Variants in SHB observed in about 807,000 individuals in gnomAD.
SHB encodes SH2 domain containing adaptor protein B, also known as SH2 domain-containing adapter protein B.
SHB carries 20 observed loss-of-function variants against 52.3 expected under a neutral mutation model. That is an observed-to-expected ratio of 0.38 (90% CI 0.27 to 0.56). The LOEUF is 0.56. Among genes scored for constraint, SHB ranks in the 20% least tolerant of loss-of-function variants. The pLI, the probability that SHB is intolerant of heterozygous loss-of-function variation, is 0.71. For missense variants in SHB, 825 were observed against 723.3 expected, an observed-to-expected ratio of 1.14 and a Z score of -1.61; for synonymous variants, 397 against 316.5, an observed-to-expected ratio of 1.25 and a Z score of -2.70.
Position 37,948,724 on chromosome 9 carries a change from G to C in SHB, c.1257C>G (p.Asp419Glu). The change falls in exon 5 of 6, where the codon GAC becomes GAG. Residue 419 changes from aspartate to glutamate, a missense_variant. Transcript: ENST00000377707. ...TGCAGAGTCGCAGCAGGTTCTCGGC[G>C]TCTCCTCTGCTGATGGCTCCGTGAT... Reference protein sequence around the residue: ...IWYHGAISRGDAENLLRLCKE... With the variant: ...IWYHGAISRGEAENLLRLCKE... The C allele has an allele frequency of 6.2e-7, 1 of 1,613,846 alleles. No homozygotes were observed. The highest frequency in any genetic ancestry group is 8.5e-7 in the Non-Finnish European group (1 of 1,179,998).
chr9:38,025,224 G>C lies in SHB; in HGVS notation c.718-9093C>G, dbSNP rs184351688. ...GTGGACAGCTCTCTGTGGGAGGTGG[G>C]CTCCGGGCCAGGCTGGGTCCCCATG... is the stretch of plus-strand genomic sequence containing the variant. On this transcript the variant is annotated intron_variant, in intron 1 of 5. Transcript: ENST00000377707. Among the ~76,000 whole-genome samples, 542 of 152,268 alleles carry C rather than the reference G, an allele frequency of 3.6e-3. 1 individual carries two copies. Among genetic ancestry groups the C allele is most frequent in the Middle Eastern group, 6.8e-3 (2 of 294 alleles).
intron 5 of SHB, among the ~76,000 whole-genome samples, chr9:37,942,741 T>A (rs947997601): frequency 1.9e-4 from 29 of 152,350 alleles, no homozygotes; most frequent in Non-Finnish European, 3.7e-4. Flanking sequence ...GATATCTGAC[T>A]GCAGAGCCTG....
Position 38,068,367 on chromosome 9 carries a change from C to T in SHB, c.279G>A (p.Glu93=), listed in dbSNP as rs753613684. The T allele has an allele frequency of 7.0e-6, 11 of 1,571,038 alleles. No homozygotes were observed. In the East Asian group the frequency reaches 1.2e-4, roughly 18 times the overall value. Residue 93 remains glutamate (E), a synonymous_variant, in exon 1 of 6, where the codon GAG becomes GAA. Coordinates refer to ENST00000377707, the MANE Select transcript of SHB (RefSeq NM_003028.3). ...AYRAQKERDF[E]DPYNGPGSSL... is the part of the protein sequence containing the mutation. The stretch of plus-strand genomic sequence containing the variant: ...ACGAGCCAGGCCCGTTGTAGGGGTC[C>T]TCGAAGTCTCGCTCCTTCTGCGCGC...
At chr9:38,006,250 G>A (rs1821074413) in intron 2 of SHB, among the ~76,000 whole-genome samples, 1 of 152,100 alleles carries the variant, frequency 6.6e-6, no homozygotes, top group African/African-American at 2.4e-5. Context: ...CTATAGCCTC[G>A]GAACCATAGA....
chr9:37,947,960 T>C (rs1455549763), intron 5 of SHB, among the ~76,000 whole-genome samples: 4 of 152,248 alleles, frequency 2.6e-5, no homozygotes, highest in African/African-American at 7.2e-5. Flanking sequence ...AGGCATTCTT[T>C]TGGGTCCCGT....
intron 4 of SHB, among the ~76,000 whole-genome samples, chr9:37,951,578 A>G (rs1276065618): frequency 6.6e-6 from 1 of 152,246 alleles, no homozygotes; most frequent in Non-Finnish European, 1.5e-5. Flanking sequence ...TTTGAAGCTG[A>G]GCCGTCCTCA....
chr9:37,982,980 C>CCCCCT (rs1000567011), intron 2 of SHB, among the ~76,000 whole-genome samples: 1 of 150,008 alleles, frequency 6.7e-6, no homozygotes, highest in Non-Finnish European at 1.5e-5. Context: ...GGTGCCCCCC[C>CCCCCT]CTCCATCTTT....
intron 5 of SHB, among the ~76,000 whole-genome samples, chr9:37,935,297 T>C (rs1832356100): frequency 1.3e-5 from 2 of 152,152 alleles, no homozygotes; most frequent in Admixed American, 1.3e-4. Context: ...GTTCAAGCTA[T>C]ACCAGGAGCT....
chr9:38,060,058 G>A (rs555158685), intron 1 of SHB, among the ~76,000 whole-genome samples: 3 of 152,176 alleles, frequency 2.0e-5, no homozygotes, highest in Non-Finnish European at 4.4e-5. Flanking sequence ...AGATGATAAA[G>A]CAAATTCAGG....
intron 3 of SHB, among the ~76,000 whole-genome samples, chr9:37,967,824 T>C (rs1377402747): frequency 1.3e-5 from 2 of 152,084 alleles, no homozygotes; most frequent in African/African-American, 2.4e-5. Context: ...AAAAAAGAAA[T>C]CCACAGACAT....
At position 37,973,099 on chromosome 9, in the gene SHB, C is replaced by T. The variant is rs115352758; in HGVS notation, c.1054+1523G>A. On this transcript the variant is annotated intron_variant, in intron 3 of 5. Transcript: ENST00000377707. ...TAGGTTATTATGAACTCTTGCTGAACATCACCTTTTAGAGGCTACACAACA... is the reference window on the plus strand; with the variant it reads ...TAGGTTATTATGAACTCTTGCTGAATATCACCTTTTAGAGGCTACACAACA... Among the ~76,000 whole-genome samples the T allele has an allele frequency of 6.0e-3, 911 of 152,362 alleles. 13 individuals carry two copies. Among genetic ancestry groups the T allele is most frequent in the African/African-American group, 0.021 (875 of 41,580 alleles).
intron 5 of SHB, among the ~76,000 whole-genome samples, chr9:37,946,700 G>C (rs1239307600): frequency 6.6e-6 from 1 of 152,182 alleles, no homozygotes; most frequent in Non-Finnish European, 1.5e-5. Flanking sequence ...GGTTTGGCAT[G>C]GAGTGCTCTG....
chr9:38,015,343 G>T, intron 2 of SHB: 1 of 694,276 alleles, frequency 1.4e-6, no homozygotes, highest in Non-Finnish European at 2.6e-6. Context: ...GTATTATCCT[G>T]GCTAAAATAG....
intron 3 of SHB, among the ~76,000 whole-genome samples, chr9:37,957,113 C>T (rs1243438905): frequency 6.6e-6 from 1 of 152,188 alleles, no homozygotes; most frequent in Non-Finnish European, 1.5e-5. Flanking sequence ...GAGGATACTC[C>T]AGCGCCTGAC....
At chr9:37,973,860 T>A (rs1820621400) in intron 3 of SHB, among the ~76,000 whole-genome samples, 1 of 152,158 alleles carries the variant, frequency 6.6e-6, no homozygotes, top group African/African-American at 2.4e-5. Context: ...CAGGGCTAGC[T>A]CAGCTCGCAG....
chr9:37,996,301 G>T (rs1036096188), intron 2 of SHB, among the ~76,000 whole-genome samples: 2 of 152,126 alleles, frequency 1.3e-5, no homozygotes, highest in African/African-American at 2.4e-5. Context: ...CCTGTTTCTC[G>T]CCTGGATCAT....
intron 3 of SHB, among the ~76,000 whole-genome samples, chr9:37,965,558 C>G (rs1433418210): frequency 6.6e-6 from 1 of 151,074 alleles, no homozygotes; most frequent in Admixed American, 6.7e-5. Context: ...TTTCCTGAGA[C>G]CCGATTTACT....
intron 1 of SHB, among the ~76,000 whole-genome samples, chr9:38,061,845 T>C (rs1377999518): frequency 6.6e-6 from 1 of 152,138 alleles, no homozygotes; most frequent in African/African-American, 2.4e-5. Context: ...AAGGAATGCT[T>C]GGTGTTAGAA....
rs187345837 is a variant in SHB at position 38,046,451 on chromosome 9, C to G, written c.717+21478G>C. 4.6e-3 allele frequency among the ~76,000 whole-genome samples: 697 copies of G among 152,242 alleles called. 4 individuals are homozygous for G. Among genetic ancestry groups the G allele is most frequent in the African/African-American group, 0.016 (653 of 41,562 alleles). On this transcript the variant is annotated intron_variant, in intron 1 of 5. Coordinates refer to ENST00000377707, the MANE Select transcript of SHB (RefSeq NM_003028.3). ...CAAGAACAAGCAGTTGCCCTGAGGG[C>G]AATATACTGATGCTCGAAGCCCCCC...
Sources: allele counts gnomAD v4.1 joint callset (sites outside exome capture counted in the v4.1 genomes callset), GRCh38; gene constraint gnomAD v4.1.1; transcripts MANE v1.5; gene names NCBI Gene and HGNC (gene_info 2026-07-23, HGNC 2026-07-21).